Variants in PSMA1 observed in about 807,000 individuals in gnomAD.
PSMA1 encodes the protein proteasome 20S subunit alpha 1, also known as proteasome subunit alpha type-1.
Under a neutral mutation model 38.4 loss-of-function variants are expected in PSMA1, and 3 were observed. The ratio of observed to expected loss-of-function variants is 0.08; its 90% CI spans 0.04 to 0.20. The LOEUF is 0.20. Among genes scored for constraint, PSMA1 ranks in the 10% least tolerant of loss-of-function variants. The pLI, the probability that PSMA1 is intolerant of heterozygous loss-of-function variation, is 1.00. For synonymous variants in PSMA1, 101 were observed against 107.1 expected, an observed-to-expected ratio of 0.94 and a Z score of 0.35; for missense variants, 227 against 325.3, an observed-to-expected ratio of 0.70 and a Z score of 2.32.
At chr11:14,556,692 T>C (rs1391019613) in intron 2 of PSMA1, among the ~76,000 whole-genome samples, 1 of 152,236 alleles carries the variant, frequency 6.6e-6, no homozygotes, top group East Asian at 1.9e-4. Flanking sequence ...CATTTTACTT[T>C]TAAATCTGTT....
At position 14,598,093 on chromosome 11, in the gene PSMA1, A is replaced by G. The variant is rs568864358; in HGVS notation, c.21+12873T>C. Among the ~76,000 whole-genome samples the G allele has an allele frequency of 5.4e-4, 82 of 152,250 alleles. 1 individual carries two copies. Among genetic ancestry groups the G allele is most frequent in the Admixed American group, 4.1e-3 (62 of 15,294 alleles). ...TTTCTTAGTCCTGAGTTCTAATTTGATTGCACTGTGGTCTGAGAGACAGTT... is the reference window on the plus strand; with the variant it reads ...TTTCTTAGTCCTGAGTTCTAATTTGGTTGCACTGTGGTCTGAGAGACAGTT... On this transcript the variant is annotated intron_variant, in intron 2 of 10. Transcript: ENST00000418988.
At chr11:14,628,916 A>G (rs1459604469) in intron 1 of PSMA1, among the ~76,000 whole-genome samples, 3 of 151,208 alleles carry the variant, frequency 2.0e-5, no homozygotes. Flanking sequence ...TCGGATGGCC[A>G]GTGATGATGA....
At chr11:14,637,676 G>T (rs1853127366) in intron 1 of PSMA1, among the ~76,000 whole-genome samples, 1 of 151,588 alleles carries the variant, frequency 6.6e-6, no homozygotes, top group African/African-American at 2.4e-5. Context: ...AGATATGTAG[G>T]GCCATGAAAT....
intron 1 of PSMA1, among the ~76,000 whole-genome samples, chr11:14,631,606 T>C (rs1047690940): frequency 2.6e-5 from 4 of 152,206 alleles, no homozygotes; most frequent in African/African-American, 4.8e-5. Flanking sequence ...AAGTTTGGAA[T>C]AGGTGTGGTG....
chr11:14,510,851 A>C (rs754858786), intron 8 of PSMA1, 21 bp downstream of exon 8: 84 of 1,550,026 alleles, frequency 5.4e-5, no homozygotes, highest in Non-Finnish European at 7.3e-5. Flanking sequence ...AATATCTACA[A>C]TTGGAAAAGA....
intron 1 of PSMA1, among the ~76,000 whole-genome samples, chr11:14,622,991 C>T (rs1852867638): frequency 6.6e-6 from 1 of 152,224 alleles, no homozygotes; most frequent in South Asian, 2.1e-4. Context: ...CAGAGTGCTT[C>T]ACCATGGGGC....
At position 14,512,377 on chromosome 11, in the gene PSMA1, GA is replaced by G. The variant is rs1309393081; in HGVS notation, c.544+1192del. Among the ~76,000 whole-genome samples the G allele has an allele frequency of 1.8e-3, 242 of 137,696 alleles. 1 individual carries two copies. The highest frequency in any genetic ancestry group is 3.7e-3 in the Middle Eastern group (1 of 272). 90.3% of individuals were successfully genotyped at this position (137,696 alleles called of 152,430 possible). A position where few individuals can be genotyped will look rare whatever the true frequency, so the allele number is the denominator to read the frequency against. ...CAAAAACAGTGAAACCCCGTCTCAG[GA>G]AAAAAAAAAAAAGAATTAAATACCT... On this transcript the variant is annotated intron_variant, in intron 7 of 9. Transcript: ENST00000396394.
intron 2 of PSMA1, among the ~76,000 whole-genome samples, chr11:14,549,524 A>G (rs1851863248): frequency 6.6e-6 from 1 of 151,796 alleles, no homozygotes; most frequent in African/African-American, 2.4e-5. Flanking sequence ...ACACGTTGAA[A>G]CCCTGTCTCT....
At chr11:14,506,514 TCAATTA>T (rs1249983196) in intron 9 of PSMA1, among the ~76,000 whole-genome samples, 1 of 152,196 alleles carries the variant, frequency 6.6e-6, no homozygotes, top group Non-Finnish European at 1.5e-5. Flanking sequence ...TTTTTTACTT[TCAATTA>T]CACTGCTATC....
At chr11:14,544,061 A>G (rs1044509363) in intron 2 of PSMA1, among the ~76,000 whole-genome samples, 1 of 152,180 alleles carries the variant, frequency 6.6e-6, no homozygotes, top group African/African-American at 2.4e-5. Flanking sequence ...CTTTTTTGAG[A>G]CACGATCTTG....
At chr11:14,639,898 C>T (rs1391082716) in intron 1 of PSMA1, among the ~76,000 whole-genome samples, 3 of 152,166 alleles carry the variant, frequency 2.0e-5, no homozygotes, top group African/African-American at 7.2e-5. Flanking sequence ...AGTCTGGGCT[C>T]CTGAGATCCC....
intron 1 of PSMA1, among the ~76,000 whole-genome samples, chr11:14,632,550 G>A (rs1467458272): frequency 6.6e-6 from 1 of 150,704 alleles, no homozygotes; most frequent in Non-Finnish European, 1.5e-5. Flanking sequence ...TTAGTCTGAT[G>A]GGCTTCCCTT....
chr11:14,545,387 G>A (rs1052548323), intron 2 of PSMA1, among the ~76,000 whole-genome samples: 7 of 152,188 alleles, frequency 4.6e-5, no homozygotes, highest in African/African-American at 1.7e-4. Flanking sequence ...GTGCCATGGT[G>A]GTTGGCTGCA....
chr11:14,518,269 T>C (rs1403937164), intron 2 of PSMA1, among the ~76,000 whole-genome samples: 1 of 152,116 alleles, frequency 6.6e-6, no homozygotes, highest in Non-Finnish European at 1.5e-5. Context: ...GCCCAGCTAA[T>C]TTTTGTATTT....
At chr11:14,505,410 A>AT (rs1242715962) in intron 9 of PSMA1, among the ~76,000 whole-genome samples, 162 bp from the exon 10 acceptor site, 1 of 151,898 alleles carries the variant, frequency 6.6e-6, no homozygotes, top group Non-Finnish European at 1.5e-5. Context: ...TCTGAGCAGT[A>AT]TTTTTTTTCT....
chr11:14,520,396 G>A (rs1251538793), upstream of PSMA1: 1 of 1,613,444 alleles, frequency 6.2e-7, no homozygotes, highest in African/African-American at 1.3e-5. Flanking sequence ...GAAGTCTGCG[G>A]GAGTTTGACG....
At chr11:14,592,376 C>CTCTATATA (rs1201045926) in intron 2 of PSMA1, among the ~76,000 whole-genome samples, 1 of 122,378 alleles carries the variant, frequency 8.2e-6, no homozygotes, top group South Asian at 2.6e-4. Flanking sequence ...CTCTCTCTCT[C>CTCTATATA]TATATATATA....
intron 1 of PSMA1, among the ~76,000 whole-genome samples, chr11:14,635,934 A>G (rs1853108443): frequency 6.6e-6 from 1 of 152,186 alleles, no homozygotes. Context: ...TATCATATCT[A>G]TTTCTAGAAA....
At chr11:14,569,021 C>A (rs1219666465) in intron 2 of PSMA1, among the ~76,000 whole-genome samples, 1 of 152,188 alleles carries the variant, frequency 6.6e-6, no homozygotes, top group Admixed American at 6.5e-5. Flanking sequence ...GGGGCTGCTG[C>A]AAAGGTCTCT....
Sources: allele counts gnomAD v4.1 joint callset (sites outside exome capture counted in the v4.1 genomes callset), GRCh38; gene constraint gnomAD v4.1.1; transcripts MANE v1.5; gene names NCBI Gene and HGNC (gene_info 2026-07-23, HGNC 2026-07-21).